Variants in SOBP observed in about 807,000 individuals in gnomAD.
SOBP encodes the protein sine oculis binding protein homolog, also known as sine oculis-binding protein homolog.
A neutral mutation model predicts 53.6 loss-of-function variants in SOBP; 4 were observed. That is an observed-to-expected ratio of 0.07 (90% CI 0.04 to 0.17). The LOEUF (loss-of-function observed/expected upper bound fraction) is 0.17, where lower values mean the gene tolerates loss of function less well. Ranked by LOEUF, SOBP falls within the 10% of genes least tolerant of loss-of-function variation. The pLI, the probability that SOBP is intolerant of heterozygous loss-of-function variation, is 1.00. For missense variants in SOBP, 1,088 were observed against 1,204.7 expected (o/e 0.90, Z 1.43); for synonymous variants, 584 against 522.6 (o/e 1.12, Z -1.60).
At chr6:107,621,810 C>T (rs1262243985) in intron 5 of SOBP, among the ~76,000 whole-genome samples, 1 of 152,166 alleles carries the variant, frequency 6.6e-6, no homozygotes, top group Non-Finnish European at 1.5e-5. Flanking sequence ...GCCCAAAAAC[C>T]TCCTCATTAT....
intron 1 of SOBP, among the ~76,000 whole-genome samples, chr6:107,502,761 T>C (rs1782876132): frequency 6.6e-6 from 1 of 152,204 alleles, no homozygotes; most frequent in Non-Finnish European, 1.5e-5. Flanking sequence ...TGTTGATTTT[T>C]TAAAAAAAAA....
intron 5 of SOBP, among the ~76,000 whole-genome samples, chr6:107,627,420 T>G (rs536116734): frequency 4.3e-4 from 66 of 152,368 alleles, no homozygotes; most frequent in African/African-American, 1.5e-3. Context: ...AGGAAGGATC[T>G]GCTCCTGTGA....
intron 4 of SOBP, among the ~76,000 whole-genome samples, chr6:107,586,329 G>C (rs907789065): frequency 1.3e-5 from 2 of 152,108 alleles, no homozygotes; most frequent in Non-Finnish European, 2.9e-5. Flanking sequence ...CTGCAGACAC[G>C]CCCCCTTTCA....
At chr6:107,497,125 G>A (rs1187116657) in intron 1 of SOBP, among the ~76,000 whole-genome samples, 1 of 152,178 alleles carries the variant, frequency 6.6e-6, no homozygotes, top group East Asian at 1.9e-4. Flanking sequence ...ATCTACTCCA[G>A]AAGTAAGTCA....
rs538292592 is a variant in SOBP, at chr6:107,587,244, G to T, written c.669+69G>T. 138 of 1,241,316 alleles carry T rather than the reference G, an allele frequency of 1.1e-4. 1 individual carries two copies. In the Middle Eastern group the frequency reaches 8.8e-3, roughly 79 times the overall value. 76.9% of individuals were successfully genotyped at this position (1,241,316 alleles called of 1,614,324 possible). A position where few individuals can be genotyped will look rare whatever the true frequency, so the allele number is the denominator to read the frequency against. On this transcript the variant is annotated intron_variant, in intron 5 of 6. Transcript: ENST00000317357. ...CACAGTGAAAACAGTTTTTGAAAGG[G>T]TTTGTTCATGATTACATAATTGATG...
chr6:107,600,511 A>AAT lies in SOBP; in HGVS notation c.669+13343_669+13344dup, dbSNP rs1228365097. 9.9e-5 allele frequency among the ~76,000 whole-genome samples: 15 copies of AAT among 152,160 alleles called. No homozygotes were observed. The East Asian group carries it at 2.5e-3, about 26-fold the overall frequency. On this transcript the variant is annotated intron_variant, in intron 5 of 6. Transcript: ENST00000317357. ...TTAGATTTTGAAGTGCAGGTTAAAAAATATATATGTGGTTGAATCTACTGT... is the reference window on the plus strand; with the variant it reads ...TTAGATTTTGAAGTGCAGGTTAAAAAATATATATATGTGGTTGAATCTACTGT...
At chr6:107,591,305 G>C (rs976973243) in intron 5 of SOBP, among the ~76,000 whole-genome samples, 4 of 152,164 alleles carry the variant, frequency 2.6e-5, no homozygotes, top group African/African-American at 9.7e-5. Context: ...CATAGTAAGT[G>C]CTCAGTATAT....
intron 4 of SOBP, among the ~76,000 whole-genome samples, chr6:107,578,382 C>G (rs2115048103): frequency 6.6e-6 from 1 of 152,198 alleles, no homozygotes; most frequent in East Asian, 1.9e-4. Flanking sequence ...TGTAATGACA[C>G]CAGTATTTTC....
At chr6:107,567,642 A>G (rs1784956567) in intron 4 of SOBP, among the ~76,000 whole-genome samples, 1 of 152,248 alleles carries the variant, frequency 6.6e-6, no homozygotes, top group Non-Finnish European at 1.5e-5. Flanking sequence ...TTGTATTAAA[A>G]TGAAATCCAC....
Position 107,490,727 on chromosome 6 carries a change from C to T in SOBP, c.96+15C>T. On this transcript the variant is annotated intron_variant, in intron 1 of 6. Transcript: ENST00000317357. ...AGGAGATGAAGGTATTTTTTGATCT[C>T]GGGGGCCAGGGAGACTGAGCTCTTT... The T allele has an allele frequency of 1.9e-6, 3 of 1,565,344 alleles. No individual in the cohort carries two copies. The highest frequency in any genetic ancestry group is 1.7e-6 in the Non-Finnish European group (2 of 1,148,308).
chr6:107,619,353 G>A (rs1217090432), intron 5 of SOBP, among the ~76,000 whole-genome samples: 1 of 152,182 alleles, frequency 6.6e-6, no homozygotes, highest in African/African-American at 2.4e-5. Context: ...TTTTTGAAAA[G>A]CTGGGGAAAC....
At chr6:107,645,155 G>A (rs1238609797) in intron 6 of SOBP, among the ~76,000 whole-genome samples, 1 of 152,144 alleles carries the variant, frequency 6.6e-6, no homozygotes, top group African/African-American at 2.4e-5. Context: ...CTGGGTGTGT[G>A]TGTGTGCATG....
At chr6:107,550,446 A>G (rs868722174) in intron 4 of SOBP, among the ~76,000 whole-genome samples, 2 of 152,350 alleles carry the variant, frequency 1.3e-5, no homozygotes, top group South Asian at 4.1e-4. Context: ...TTCAACAAGC[A>G]ATATTGAGCA....
At chr6:107,621,351 G>C (rs1048954925) in intron 5 of SOBP, among the ~76,000 whole-genome samples, 1 of 152,144 alleles carries the variant, frequency 6.6e-6, no homozygotes, top group Non-Finnish European at 1.5e-5. Flanking sequence ...GTTGAGCATT[G>C]GTTTTCAACC....
At chr6:107,517,121 T>G (rs1474303952) in intron 3 of SOBP, among the ~76,000 whole-genome samples, 1 of 152,188 alleles carries the variant, frequency 6.6e-6, no homozygotes, top group Non-Finnish European at 1.5e-5. Context: ...AGATTTATTG[T>G]AAGGACAGAA....
At position 107,527,899 on chromosome 6, in the gene SOBP, T is replaced by C. The variant is rs564749788; in HGVS notation, c.422-5560T>C. Among the ~76,000 whole-genome samples, 12 of 152,350 alleles carry C rather than the reference T, an allele frequency of 7.9e-5. 1 individual carries two copies. In the East Asian group the frequency reaches 2.3e-3, roughly 29 times the overall value. On this transcript the variant is annotated intron_variant, in intron 3 of 6. Coordinates refer to ENST00000317357, the MANE Select transcript of SOBP (RefSeq NM_018013.4). ...TGCCATTGTCTGCTGTGTTTCATAT[T>C]CATACTTAAAAGGCACTCTGAACAT...
chr6:107,566,184 G>A (rs1030943686), intron 4 of SOBP, among the ~76,000 whole-genome samples: 1 of 152,224 alleles, frequency 6.6e-6, no homozygotes, highest in African/African-American at 2.4e-5. Context: ...TTCAGGTGAT[G>A]AAGGAAAATG....
chr6:107,503,787 T>A lies in SOBP; in HGVS notation c.227T>A (p.Val76Asp). 3.1e-6 allele frequency: 5 copies of A among 1,614,032 alleles called. No individual in the cohort carries two copies. The highest frequency in any genetic ancestry group is 4.2e-6 in the Non-Finnish European group (5 of 1,180,006). The change falls in exon 2 of 7, where the codon GTT becomes GAT. Residue 76 changes from valine (V) to aspartate (D), a missense_variant. Physicochemically the swap from Val to Asp is radical, Grantham distance 152. Transcript: ENST00000317357. ...GGGGAGAGCCGGCAGCACATTTCTG[T>A]TCTCAAAGGTAATGACATTTAATGT... is the stretch of plus-strand genomic sequence containing the variant. ...TDGESRQHISVLKENSLPKPK... is the reference protein window; with the variant it reads ...TDGESRQHISDLKENSLPKPK...
Position 107,612,017 on chromosome 6 carries a change from G to A in SOBP, c.670-21497G>A, listed in dbSNP as rs531841497. On this transcript the variant is annotated intron_variant, in intron 5 of 6. Coordinates refer to ENST00000317357, the MANE Select transcript of SOBP (RefSeq NM_018013.4). The stretch of plus-strand genomic sequence containing the variant: ...CAATATCAGGAGGGCTGGCACACAC[G>A]TTCTTTTGAACCTTTAAGCAGCAAG... 1.6e-4 allele frequency among the ~76,000 whole-genome samples: 24 copies of A among 152,254 alleles called. No homozygotes were observed. In the South Asian group the frequency reaches 2.9e-3, roughly 18 times the overall value.
Sources: allele counts gnomAD v4.1 joint callset (sites outside exome capture counted in the v4.1 genomes callset), GRCh38; gene constraint gnomAD v4.1.1; transcripts MANE v1.5; gene names NCBI Gene and HGNC (gene_info 2026-07-23, HGNC 2026-07-21).